Variants in EVPLL observed in about 807,000 individuals in gnomAD.
EVPLL encodes the protein envoplakin like, also known as envoplakin-like protein.
EVPLL carries 39 observed loss-of-function variants against 46.2 expected under a neutral mutation model. That is an observed-to-expected ratio of 0.84 (90% CI 0.65 to 1.10). EVPLL has a LOEUF of 1.10. Ranked by LOEUF, EVPLL falls within the 50% of genes least tolerant of loss-of-function variation. The pLI is 0.00. For missense variants in EVPLL, 385 were observed against 412.6 expected (o/e 0.93, Z 0.58); for synonymous variants, 156 against 165.8 (o/e 0.94, Z 0.46).
intron 9 of EVPLL, among the ~76,000 whole-genome samples, chr17:18,387,115 G>T (rs1283107619): frequency 6.7e-6 from 1 of 149,808 alleles, no homozygotes; most frequent in Non-Finnish European, 1.5e-5. Context: ...TAGCCAGGAT[G>T]GTCTCAATCT....
In EVPLL at chr17:18,383,573, G is replaced by T. The variant is rs1398843173; in HGVS notation, c.862G>T (p.Glu288Ter). Residue 288 changes from glutamate (E) to a stop codon, truncating the protein, a stop_gained, in exon 9 of 11, where the codon GAG becomes TAG. Coordinates refer to ENST00000399134, the MANE Select transcript of EVPLL (RefSeq NM_001145127.2). LOFTEE classifies it high-confidence loss of function. Reference sequence around the variant, plus strand: ...CCAGGAGACCCAGCTCCAGCACGTGGAGGACTACAGCCGGGTGAGCCCTCG... The same window carrying T: ...CCAGGAGACCCAGCTCCAGCACGTGTAGGACTACAGCCGGGTGAGCCCTCG... Reference protein sequence around the residue: ...ICQETQLQHVEDYSRILCPSS... With the variant: ...ICQETQLQHV The T allele has an allele frequency of 6.6e-7, 1 of 1,525,836 alleles. No homozygotes were observed. Among genetic ancestry groups the T allele is most frequent in the Non-Finnish European group, 8.8e-7 (1 of 1,132,934 alleles). 94.5% of individuals were successfully genotyped at this position (1,525,836 alleles called of 1,614,324 possible). A position where few individuals can be genotyped will look rare whatever the true frequency, so the allele number is the denominator to read the frequency against.
At position 18,381,334 on chromosome 17, in the gene EVPLL, A is replaced by G; in HGVS notation, c.64-33A>G. On this transcript the variant is annotated intron_variant, in intron 2 of 10. Transcript: ENST00000399134. The surrounding 1 kb of genome is among the most constrained non-coding windows in gnomAD (Gnocchi z 4.2). ...GGCAGCAGGGGTGTGGGGGCTCTGG[A>G]CCCTGGCAAGTCTGCCCATCCCCTG... 6.6e-7 allele frequency: 1 copy of G among 1,524,212 alleles called. No homozygotes were observed. 94.4% of individuals were successfully genotyped at this position (1,524,212 alleles called of 1,614,324 possible). A position where few individuals can be genotyped will look rare whatever the true frequency, so the allele number is the denominator to read the frequency against.
chr17:18,381,157 G>A lies in EVPLL; in HGVS notation c.63+157G>A. The A allele has an allele frequency of 5.0e-6, 6 of 1,194,144 alleles. No homozygotes were observed. Among genetic ancestry groups the A allele is most frequent in the South Asian group, 1.5e-5 (1 of 67,224 alleles). 74.0% of individuals were successfully genotyped at this position (1,194,144 alleles called of 1,614,324 possible). A position where few individuals can be genotyped will look rare whatever the true frequency, so the allele number is the denominator to read the frequency against. ...GCCTGTCCCCTAACACACGGTGGGA[G>A]AGAGGGCTCAACTTCCTTCTTTGCT... On this transcript the variant is annotated intron_variant, in intron 2 of 10. Transcript: ENST00000399134. The surrounding 1 kb of genome is among the most constrained non-coding windows in gnomAD (Gnocchi z 4.2).
chr17:18,382,563 A>G lies in EVPLL; in HGVS notation c.397A>G (p.Thr133Ala). The G allele has an allele frequency of 6.4e-7, 1 of 1,551,790 alleles. No individual in the cohort carries two copies. Among genetic ancestry groups the G allele is most frequent in the Non-Finnish European group, 8.7e-7 (1 of 1,147,022 alleles). Residue 133 changes from threonine to alanine, a missense_variant, in exon 5 of 11, where the codon ACA becomes GCA. Physicochemically the swap from Thr to Ala is moderately conservative, Grantham distance 58 (BLOSUM62 0). Coordinates refer to ENST00000399134, the MANE Select transcript of EVPLL (RefSeq NM_001145127.2). ...VWAGHGGAGG[T>A]DRGAQHRAEG... The stretch of plus-strand genomic sequence containing the variant: ...GGCCGGGCATGGCGGAGCTGGAGGA[A>G]CAGATCGCGGAGCTCAACATCGTGC...
At chr17:18,379,526 C>CT (rs1287866996) in intron 1 of EVPLL, among the ~76,000 whole-genome samples, 1 of 152,182 alleles carries the variant, frequency 6.6e-6, no homozygotes, top group Non-Finnish European at 1.5e-5. Context: ...CAGGAGTGCC[C>CT]AGGGCCCAGC....
chr17:18,379,096 T>A (rs373368755), intron 1 of EVPLL, among the ~76,000 whole-genome samples: 2 of 152,128 alleles, frequency 1.3e-5, no homozygotes, highest in East Asian at 3.9e-4. Context: ...CAAAACAGAA[T>A]AGAGCTGGGG....
rs1443837969 is a variant in EVPLL at position 18,383,099 on chromosome 17, G to T, written c.586G>T (p.Ala196Ser). ...GCAGGGCTGCACGTGGCAGCTGAGC[G>T]CCCTGGCGGAGCAGCAGCGCCGCAT... Reference protein sequence around the residue: ...ALQGCTWQLSALAEQQRRILQ... With the variant: ...ALQGCTWQLSSLAEQQRRILQ... Residue 196 changes from alanine (A) to serine (S), a missense_variant, in exon 7 of 11, where the codon GCC becomes TCC. Ala to Ser is a moderately conservative substitution (Grantham distance 99, BLOSUM62 1). Transcript: ENST00000399134. 2 of 1,549,980 alleles carry T rather than the reference G, an allele frequency of 1.3e-6. No individual in the cohort carries two copies. The highest frequency in any genetic ancestry group is 2.7e-5 in the African/African-American group (2 of 73,420).
rs1194734268 is a variant in EVPLL, at chr17:18,381,670, G to A, written c.286G>A (p.Val96Met). Reference sequence around the variant, plus strand: ...GTACTGTGCCCTGTACGAGAAGATGGTGCTGCCGCCCCGACGTGGGATCCA... The same window carrying A: ...GTACTGTGCCCTGTACGAGAAGATGATGCTGCCGCCCCGACGTGGGATCCA... ...AEYCALYEKM[V>M]LPPRRGIQGR... Residue 96 changes from valine to methionine, a missense_variant, in exon 4 of 11, where the codon GTG becomes ATG. By Grantham distance (21) the Val-to-Met change is conservative. Transcript: ENST00000399134. The surrounding 1 kb of genome is among the most constrained non-coding windows in gnomAD (Gnocchi z 4.2). 9 of 1,614,074 alleles carry A rather than the reference G, an allele frequency of 5.6e-6. No individual in the cohort carries two copies. The highest frequency in any genetic ancestry group is 4.5e-5 in the East Asian group (2 of 44,890).
In EVPLL at chr17:18,383,489, C is replaced by G; in HGVS notation, c.781-3C>G. 3 of 1,571,606 alleles carry G rather than the reference C, an allele frequency of 1.9e-6. No individual in the cohort carries two copies. Among genetic ancestry groups the G allele is most frequent in the Non-Finnish European group, 2.6e-6 (3 of 1,158,528 alleles). On this transcript the variant is annotated splice_region_variant and splice_polypyrimidine_tract_variant and intron_variant, in intron 8 of 10. Coordinates refer to ENST00000399134, the MANE Select transcript of EVPLL (RefSeq NM_001145127.2). Reference sequence around the variant, plus strand: ...TCCGAGGGCTCCGTGCTGCGGTACCCAGGCCCACCAGGAGGCCCTGAAGAT... The same window carrying G: ...TCCGAGGGCTCCGTGCTGCGGTACCGAGGCCCACCAGGAGGCCCTGAAGAT...
Position 18,382,555 on chromosome 17 carries a change from C to A in EVPLL, c.389C>A (p.Ala130Asp). The A allele has an allele frequency of 6.4e-7, 1 of 1,551,830 alleles. No homozygotes were observed. The change falls in exon 5 of 11, where the codon GCT becomes GAT. Residue 130 changes from alanine (A) to aspartate (D), a missense_variant. Ala to Asp is a moderately radical substitution (Grantham distance 126). Coordinates refer to ENST00000399134, the MANE Select transcript of EVPLL (RefSeq NM_001145127.2). ...CCAGTATGGGCCGGGCATGGCGGAG[C>A]TGGAGGAACAGATCGCGGAGCTCAA... ...RRPVWAGHGGAGGTDRGAQHR... is the reference protein window; with the variant it reads ...RRPVWAGHGGDGGTDRGAQHR...
At position 18,380,883 on chromosome 17, in the gene EVPLL, G is replaced by T; in HGVS notation, c.-36-19G>T. ...GGCCTCTTCCACCGAGCTGCCCACT[G>T]TCCCCTCCACCCACCAAGAATGCCA... On this transcript the variant is annotated intron_variant, in intron 1 of 10. Coordinates refer to ENST00000399134, the MANE Select transcript of EVPLL (RefSeq NM_001145127.2). 1 of 1,554,732 alleles carries T rather than the reference G, an allele frequency of 6.4e-7. No homozygotes were observed. Among genetic ancestry groups the T allele is most frequent in the Non-Finnish European group, 8.7e-7 (1 of 1,148,346 alleles).
At chr17:18,380,571 C>T (rs1022705452) in intron 1 of EVPLL, 10 of 229,338 alleles carry the variant, frequency 4.4e-5, no homozygotes, top group Non-Finnish European at 8.7e-5. Flanking sequence ...GTACTACCGG[C>T]TCACAGGGGG....
intron 1 of EVPLL, among the ~76,000 whole-genome samples, chr17:18,379,005 G>A (rs1348009411): frequency 6.6e-6 from 1 of 151,962 alleles, no homozygotes; most frequent in African/African-American, 2.4e-5. Context: ...ACTTGAGCCC[G>A]GGAAGTCGAG....
chr17:18,378,782 TAAA>T (rs879305571), intron 1 of EVPLL, among the ~76,000 whole-genome samples: 1 of 141,450 alleles, frequency 7.1e-6, no homozygotes. Flanking sequence ...ACTCTGTCTT[TAAA>T]AAAAAAAAAA....
At chr17:18,387,773 G>A (rs1312311281) in intron 9 of EVPLL, 2 of 152,364 alleles carry the variant, frequency 1.3e-5, no homozygotes, top group African/African-American at 2.4e-5. Flanking sequence ...ACTCTGAGAG[G>A]CCGAGGCTGG....
Position 18,381,259 on chromosome 17 carries a change from T to C in EVPLL, c.64-108T>C, listed in dbSNP as rs1987560008. On this transcript the variant is annotated intron_variant, in intron 2 of 10. Transcript: ENST00000399134. The surrounding 1 kb of genome is among the most constrained non-coding windows in gnomAD (Gnocchi z 4.2). ...CTGTGCCTGGCGTGGGCCTCGAGGT[T>C]GGCCAGCATAGCTGGGGTCCCAAAG... The C allele has an allele frequency of 6.9e-7, 1 of 1,445,458 alleles. No homozygotes were observed. Among genetic ancestry groups the C allele is most frequent in the African/African-American group, 1.4e-5 (1 of 70,156 alleles). 89.5% of individuals were successfully genotyped at this position (1,445,458 alleles called of 1,614,324 possible).
intron 1 of EVPLL, chr17:18,379,902 A>T (rs1987503376): frequency 1.3e-5 from 2 of 152,262 alleles, no homozygotes; most frequent in Non-Finnish European, 2.9e-5. Context: ...CGAGTGAGGA[A>T]CCTCAGGCAC....
chr17:18,382,355 C>T (rs1173986403), intron 4 of EVPLL, 158 bp from the exon 5 acceptor site: 4 of 963,394 alleles, frequency 4.2e-6, no homozygotes, highest in Non-Finnish European at 6.0e-6. Context: ...CAGAATGGCT[C>T]ACCCTGGGTG....
In EVPLL at chr17:18,380,968, G is replaced by A; in HGVS notation, c.31G>A (p.Asp11Asn). Residue 11 changes from aspartate to asparagine, a missense_variant, in exon 2 of 11, where the codon GAC becomes AAC. Coordinates refer to ENST00000399134, the MANE Select transcript of EVPLL (RefSeq NM_001145127.2). ...AGCCAGCGCCGACCAGGTGGAGCGG[G>A]ACATCCTGGAGACGCAGAAGAGGCT... Reference protein sequence around the residue: MQASADQVERDILETQKRLQQ... With the variant: MQASADQVERNILETQKRLQQ... 1.3e-6 allele frequency: 2 copies of A among 1,597,262 alleles called. No individual in the cohort carries two copies. The highest frequency in any genetic ancestry group is 1.7e-4 in the Middle Eastern group (1 of 6,050).
Sources: allele counts gnomAD v4.1 joint callset (sites outside exome capture counted in the v4.1 genomes callset), GRCh38; gene constraint gnomAD v4.1.1; non-coding constraint Gnocchi (gnomAD v3.1); transcripts MANE v1.5; gene names NCBI Gene and HGNC (gene_info 2026-07-23, HGNC 2026-07-21).